The following DNAH10 variants were observed in gnomAD, a reference collection of about 807,000 sequenced individuals.
The protein encoded by DNAH10 is axonemal beta dynein heavy chain 10.
Under a neutral mutation model 506.6 loss-of-function variants are expected in DNAH10, and 348 were observed. That is an observed-to-expected ratio of 0.69 (90% CI 0.63 to 0.75). DNAH10 has a LOEUF of 0.75. Among genes scored for constraint, DNAH10 ranks in the 30% least tolerant of loss-of-function variants. DNAH10 has a pLI of 0.00. For missense variants in DNAH10, 5,179 were observed against 5,787.1 expected, an observed-to-expected ratio of 0.89 and a Z score of 3.41; for synonymous variants, 2,059 against 2,198.6, an observed-to-expected ratio of 0.94 and a Z score of 1.78.
intron 65 of DNAH10, 186 bp from the exon 66 acceptor site, chr12:123,923,577 C>T: frequency 1.9e-6 from 1 of 518,638 alleles, no homozygotes; most frequent in Non-Finnish European, 3.4e-6. Context: ...TGGGGCATGA[C>T]CTAGGAACTG....
At chr12:123,893,557 G>A in intron 53 of DNAH10, 121 bp downstream of exon 53, 1 of 1,124,174 alleles carries the variant, frequency 8.9e-7, no homozygotes, top group Non-Finnish European at 1.3e-6. Context: ...CCATTAGGTG[G>A]AAATGTGGGC....
Position 123,833,257 on chromosome 12 carries a change from G to A in DNAH10, c.4689G>A (p.Gln1563=). The change falls in exon 27 of 79, where the codon CAG becomes CAA. Residue 1563 remains glutamine, a synonymous_variant. Transcript: ENST00000673944. ...QSLDDNTFNL[Q]SISGSRFVGP... Reference sequence around the variant, plus strand: ...TTGATGACAACACTTTCAACCTGCAGAGCATCTCAGGAAGCAGATTTGTGG... The same window carrying A: ...TTGATGACAACACTTTCAACCTGCAAAGCATCTCAGGAAGCAGATTTGTGG... 1 of 1,613,904 alleles carries A rather than the reference G, an allele frequency of 6.2e-7. No individual in the cohort carries two copies. The highest frequency in any genetic ancestry group is 1.1e-5 in the South Asian group (1 of 91,028).
intron 65 of DNAH10, chr12:123,923,526 A>G (rs1050132082): frequency 3.0e-5 from 11 of 372,340 alleles, no homozygotes; most frequent in South Asian, 4.9e-5. Flanking sequence ...TCCTGTAGAC[A>G]TGGCCATTTC....
chr12:123,819,890 A>G lies in DNAH10; in HGVS notation c.4000+640A>G, dbSNP rs148901380. 6.2e-3 allele frequency among the ~76,000 whole-genome samples: 937 copies of G among 151,956 alleles called. 10 individuals carry two copies. The highest frequency in any genetic ancestry group is 0.021 in the African/African-American group (885 of 41,428). On this transcript the variant is annotated intron_variant, in intron 23 of 78. Transcript: ENST00000673944. Reference sequence around the variant, plus strand: ...TTGCTAATTTTTGTATTTTTAGTAGAGACAGGGTTTCACCATGTTGGCCAG... The same window carrying G: ...TTGCTAATTTTTGTATTTTTAGTAGGGACAGGGTTTCACCATGTTGGCCAG...
At position 123,934,070 on chromosome 12, in the gene DNAH10, AG is replaced by A. The variant is rs1955350903; in HGVS notation, c.13478-550del. 3 of 563,466 alleles carry A rather than the reference AG, an allele frequency of 5.3e-6. No individual in the cohort carries two copies. The East Asian group carries it at 8.6e-5, about 16-fold the overall frequency. The allele number at this position is 563,466 out of a possible 1,614,324, so 34.9% of individuals were successfully genotyped here. On this transcript the variant is annotated intron_variant, in intron 77 of 78. Coordinates refer to ENST00000673944, the MANE Select transcript of DNAH10 (RefSeq NM_001372106.1). ...CTTAAGGACTGGGGACTTACGGTAA[AG>A]ATGCAGGGACTCTCCAGGTCTCAGT... is the stretch of plus-strand genomic sequence containing the variant.
Position 123,926,458 on chromosome 12 carries a change from CAG to C in DNAH10, c.11922-178_11922-177del, listed in dbSNP as rs908673356. ...TCCCTGCCACTCAGGAGTTCCCCAT[CAG>C]GGTGGGAGACGTGCATAGAAACTAG... On this transcript the variant is annotated intron_variant, in intron 68 of 78. Transcript: ENST00000673944. This position sits in a 1 kb window ranked among gnomAD's most constrained non-coding sequence, Gnocchi z 4.1. The C allele has an allele frequency of 5.2e-5, 32 of 620,908 alleles. No individual in the cohort carries two copies. Among genetic ancestry groups the C allele is most frequent in the Middle Eastern group, 8.7e-4 (2 of 2,308 alleles). The allele number at this position is 620,908 out of a possible 1,614,324, so 38.5% of individuals were successfully genotyped here.
intron 5 of DNAH10, among the ~76,000 whole-genome samples, chr12:123,776,516 G>T (rs1006109336): frequency 1.3e-5 from 2 of 151,956 alleles, no homozygotes; most frequent in African/African-American, 4.8e-5. Flanking sequence ...GGAGGATGGG[G>T]AGAAACAGAT....
Position 123,834,824 on chromosome 12 carries a change from G to T in DNAH10, c.4780-582G>T, listed in dbSNP as rs537352538. Among the ~76,000 whole-genome samples the T allele has an allele frequency of 2.0e-5, 3 of 152,302 alleles. No individual in the cohort carries two copies. In the South Asian group the frequency reaches 6.2e-4, roughly 32 times the overall value. ...TGTCACTTAGCGTGATGTTTTCCAG[G>T]TTCTTCCATGTTGTAGCATGTGTCA... On this transcript the variant is annotated intron_variant, in intron 27 of 78. Transcript: ENST00000673944.
In DNAH10 at chr12:123,916,637, G is replaced by C. The variant is rs1231346932; in HGVS notation, c.10903G>C (p.Asp3635His). 3.1e-6 allele frequency: 5 copies of C among 1,613,908 alleles called. No homozygotes were observed. In the Admixed American group the frequency reaches 5.0e-5, roughly 16 times the overall value. ...TATTATCCTGGGAGACAAGGAAGTG[G>C]ACTATGATTCAAATTTCAGACTGTA... ...QFIILGDKEV[D>H]YDSNFRLYLN... Residue 3635 changes from aspartate to histidine, a missense_variant, in exon 63 of 79, where the codon GAC becomes CAC. This residue lies in a region of DNAH10 where 4,844 missense variants were observed against 5,430.5 expected (regional missense o/e 0.89). Transcript: ENST00000673944. This position sits in a 1 kb window ranked among gnomAD's most constrained non-coding sequence, Gnocchi z 4.6.
chr12:123,866,033 G>A lies in DNAH10; in HGVS notation c.7127G>A (p.Arg2376Gln), dbSNP rs375260050. ...VYVDPKNLKY[R>Q]PYWKKWVNQI... ...GTGGATCCTAAAAACTTGAAATATC[G>A]ACCATACTGGAAAAAATGGGTTAAT... The change falls in exon 41 of 79, where the codon CGA becomes CAA. Residue 2376 changes from arginine (R) to glutamine (Q), a missense_variant. By Grantham distance (43) the Arg-to-Gln change is conservative. Coordinates refer to ENST00000673944, the MANE Select transcript of DNAH10 (RefSeq NM_001372106.1). The A allele has an allele frequency of 5.6e-6, 9 of 1,610,720 alleles. No individual in the cohort carries two copies. The highest frequency in any genetic ancestry group is 4.4e-5 in the South Asian group (4 of 90,300).
rs947525979 is a variant in DNAH10 at position 123,930,149 on chromosome 12, G to T, written c.12613-253G>T. ...TTGATGTGTTTGGGGGACTTTGCCTGCTGCACAGGAGCTCCCAACACTTCC... is the reference window on the plus strand; with the variant it reads ...TTGATGTGTTTGGGGGACTTTGCCTTCTGCACAGGAGCTCCCAACACTTCC... On this transcript the variant is annotated intron_variant, in intron 72 of 78. Transcript: ENST00000673944. 5.8e-6 allele frequency: 3 copies of T among 515,728 alleles called. No homozygotes were observed. In the East Asian group the frequency reaches 9.3e-5, roughly 16 times the overall value. 31.9% of individuals were successfully genotyped at this position (515,728 alleles called of 1,614,324 possible). A position where few individuals can be genotyped will look rare whatever the true frequency, so the allele number is the denominator to read the frequency against.
In DNAH10 at chr12:123,797,604, C is replaced by T. The variant is rs938186637; in HGVS notation, c.2163+772C>T. Reference sequence around the variant, plus strand: ...GATGAGGTTGCACCATGTTGCCTGCCCAGGCTGGTCTCAAACTCCTGAGCT... The same window carrying T: ...GATGAGGTTGCACCATGTTGCCTGCTCAGGCTGGTCTCAAACTCCTGAGCT... On this transcript the variant is annotated intron_variant, in intron 13 of 78. Coordinates refer to ENST00000673944, the MANE Select transcript of DNAH10 (RefSeq NM_001372106.1). 9.2e-5 allele frequency among the ~76,000 whole-genome samples: 14 copies of T among 152,180 alleles called. No homozygotes were observed. The South Asian group carries it at 1.7e-3, about 18-fold the overall frequency.
chr12:123,914,830 TC>T, intron 61 of DNAH10, 21 bp from the exon 62 acceptor site: 2 of 1,610,520 alleles, frequency 1.2e-6, no homozygotes. Flanking sequence ...AAAATTCATT[TC>T]CCAATGGCTG....
At chr12:123,875,921 T>G (rs964123010) in intron 47 of DNAH10, among the ~76,000 whole-genome samples, 1 of 152,002 alleles carries the variant, frequency 6.6e-6, no homozygotes, top group African/African-American at 2.4e-5. Flanking sequence ...CCTCACTGGG[T>G]TTTGGGAGGA....
At position 123,923,747 on chromosome 12, in the gene DNAH10, T is replaced by G. The variant is rs1331545594; in HGVS notation, c.11507-16T>G. ...GAATTTTAAGAAATCAATACTCATC[T>G]GATGTTTCCCTCCAGGGCTGTTTGA... On this transcript the variant is annotated splice_polypyrimidine_tract_variant and intron_variant, in intron 65 of 78. Transcript: ENST00000673944. 6.4e-7 allele frequency: 1 copy of G among 1,568,826 alleles called. No individual in the cohort carries two copies. Among genetic ancestry groups the G allele is most frequent in the Non-Finnish European group, 8.7e-7 (1 of 1,154,262 alleles).
At chr12:123,807,818 TAAG>T (rs550757015) in intron 18 of DNAH10, among the ~76,000 whole-genome samples, 550 of 18,594 alleles carry the variant, frequency 0.03, 1 homozygote, top group Admixed American at 0.07. Flanking sequence ...GAGAGAGAGA[TAAG>T]GAGGGGGGAA....
intron 21 of DNAH10, 195 bp downstream of exon 21, chr12:123,814,107 G>A: frequency 1.9e-6 from 1 of 519,110 alleles, no homozygotes; most frequent in Non-Finnish European, 3.3e-6. Context: ...AATCTGTATG[G>A]CTCAAATGGA....
chr12:123,868,249 T>C (rs1566019310), intron 43 of DNAH10, 130 bp downstream of exon 43: 1 of 843,456 alleles, frequency 1.2e-6, no homozygotes, highest in South Asian at 1.8e-5. Flanking sequence ...TAGAGAAACA[T>C]GCAATGGTCA....
At chr12:123,859,983 T>C (rs1415437017) in intron 38 of DNAH10, among the ~76,000 whole-genome samples, 1 of 151,780 alleles carries the variant, frequency 6.6e-6, no homozygotes, top group Non-Finnish European at 1.5e-5. Flanking sequence ...TGGGCTAGGA[T>C]TGTGCCACTG....
Sources: allele counts gnomAD v4.1 joint callset (sites outside exome capture counted in the v4.1 genomes callset), GRCh38; gene constraint gnomAD v4.1.1; regional missense constraint gnomAD v4.1.1; non-coding constraint Gnocchi (gnomAD v3.1); transcripts MANE v1.5; gene names NCBI Gene and HGNC (gene_info 2026-07-23, HGNC 2026-07-21).